The following SUPT3H variants were observed in gnomAD, a reference collection of about 807,000 sequenced individuals.
SUPT3H encodes transcription initiation protein SPT3 homolog.
SUPT3H carries 44 observed loss-of-function variants against 44.3 expected under a neutral mutation model. That is an observed-to-expected ratio of 0.99 (90% CI 0.78 to 1.28). The LOEUF (loss-of-function observed/expected upper bound fraction) is 1.28. SUPT3H is among the 50% of genes most tolerant of loss of function. SUPT3H has a pLI of 0.00. For synonymous variants in SUPT3H, 124 were observed against 125.6 expected, an observed-to-expected ratio of 0.99 and a Z score of 0.09; for missense variants, 380 against 387.1, an observed-to-expected ratio of 0.98 and a Z score of 0.15.
Position 45,255,418 on chromosome 6 carries a change from G to GTTTT in SUPT3H, c.101+109779_101+109782dup, listed in dbSNP as rs11394172. ...CATTCTTAACAACAACCTATAATAG[G>GTTTT]TTTTTTTTTTTTTTTTTTTCAGTCA... On this transcript the variant is annotated intron_variant, in intron 2 of 10. Coordinates refer to ENST00000371459, the MANE Select transcript of SUPT3H (RefSeq NM_003599.4). 1.7e-3 allele frequency among the ~76,000 whole-genome samples: 195 copies of GTTTT among 116,200 alleles called. 3 individuals carry two copies. Among genetic ancestry groups the GTTTT allele is most frequent in the African/African-American group, 6.1e-3 (181 of 29,836 alleles). 76.2% of individuals were successfully genotyped at this position (116,200 alleles called of 152,430 possible).
intron 2 of SUPT3H, among the ~76,000 whole-genome samples, chr6:45,305,864 A>G (rs1450575862): frequency 6.6e-6 from 1 of 152,182 alleles, no homozygotes; most frequent in African/African-American, 2.4e-5. Context: ...CTTAGTGAGC[A>G]ACTTCATATT....
intron 2 of SUPT3H, among the ~76,000 whole-genome samples, chr6:45,160,559 T>C (rs769882047): frequency 1.1e-4 from 17 of 151,940 alleles, no homozygotes; most frequent in Non-Finnish European, 8.8e-5. Flanking sequence ...ATTTTTTATA[T>C]ATAAGTGAAT....
intron 2 of SUPT3H, among the ~76,000 whole-genome samples, chr6:45,211,313 C>T (rs939673801): frequency 1.3e-5 from 2 of 152,048 alleles, no homozygotes; most frequent in African/African-American, 2.4e-5. Flanking sequence ...TACTCTCTCC[C>T]CTGCCCTTTC....
chr6:45,256,052 T>C (rs9369552), intron 2 of SUPT3H, among the ~76,000 whole-genome samples: 60,823 of 151,716 alleles, frequency 0.4, 12,584 homozygotes, highest in East Asian at 0.71. Flanking sequence ...GTGCCTGTAG[T>C]TCCAGCTACT....
intron 9 of SUPT3H, among the ~76,000 whole-genome samples, chr6:44,942,812 A>G (rs546930486): frequency 6.6e-6 from 1 of 152,324 alleles, no homozygotes; most frequent in African/African-American, 2.4e-5. Flanking sequence ...AAATGAAAAG[A>G]CATTCTAGTT....
chr6:45,364,549 G>C (rs1317481369), intron 2 of SUPT3H, among the ~76,000 whole-genome samples: 1 of 104,962 alleles, frequency 9.5e-6, no homozygotes. Context: ...AAACTACTAT[G>C]TGTCAACAGA....
intron 3 of SUPT3H, among the ~76,000 whole-genome samples, chr6:45,022,984 A>C (rs1785388274): frequency 6.6e-6 from 1 of 152,146 alleles, no homozygotes; most frequent in African/African-American, 2.4e-5. Flanking sequence ...TCAAGGGTCA[A>C]CTGTGTTATT....
chr6:44,831,517 G>A (rs1344121623), intron 10 of SUPT3H, among the ~76,000 whole-genome samples: 1 of 152,158 alleles, frequency 6.6e-6, no homozygotes, highest in African/African-American at 2.4e-5. Flanking sequence ...CTACCACCAC[G>A]GCTGCCTTAC....
chr6:45,315,196 T>C (rs149777515), intron 2 of SUPT3H, among the ~76,000 whole-genome samples: 166 of 152,182 alleles, frequency 1.1e-3, no homozygotes, highest in African/African-American at 3.6e-3. Context: ...GAAGTTAACA[T>C]TGGAAAAACC....
chr6:44,890,359 C>G (rs546292860), intron 10 of SUPT3H, among the ~76,000 whole-genome samples: 4 of 151,502 alleles, frequency 2.6e-5, no homozygotes, highest in Non-Finnish European at 4.4e-5. Context: ...GGAACCAACC[C>G]AAATGTCCAA....
chr6:45,367,664 C>A (rs964330993), intron 1 of SUPT3H, among the ~76,000 whole-genome samples: 26 of 152,150 alleles, frequency 1.7e-4, no homozygotes, highest in African/African-American at 6.0e-4. Flanking sequence ...GTAACCCCAG[C>A]CTCCAGAAAG....
intron 6 of SUPT3H, among the ~76,000 whole-genome samples, chr6:44,967,549 A>G (rs1010870318): frequency 2.0e-5 from 3 of 152,204 alleles, no homozygotes; most frequent in Admixed American, 2.0e-4. Flanking sequence ...GACAATCATC[A>G]TTTGCCCTGT....
At chr6:44,841,282 A>C (rs1038928613) in intron 10 of SUPT3H, among the ~76,000 whole-genome samples, 3 of 152,246 alleles carry the variant, frequency 2.0e-5, no homozygotes, top group Non-Finnish European at 4.4e-5. Flanking sequence ...TATCTCCTGT[A>C]ATGTCTGACA....
intron 9 of SUPT3H, among the ~76,000 whole-genome samples, chr6:44,952,011 T>C (rs776242817): frequency 5.9e-5 from 9 of 152,196 alleles, no homozygotes; most frequent in South Asian, 2.1e-4. Context: ...TTAGGGACTT[T>C]TGTATGTTGA....
chr6:45,284,457 T>C (rs939632425), intron 2 of SUPT3H, among the ~76,000 whole-genome samples: 12 of 152,158 alleles, frequency 7.9e-5, no homozygotes, highest in Admixed American at 2.6e-4. Flanking sequence ...CAGAGAATAC[T>C]ATAAACACCT....
intron 2 of SUPT3H, among the ~76,000 whole-genome samples, chr6:45,285,333 T>A (rs533377251): frequency 1.3e-5 from 2 of 152,132 alleles, no homozygotes; most frequent in African/African-American, 2.4e-5. Context: ...TGATTGTATA[T>A]CTAGAAAACC....
intron 10 of SUPT3H, among the ~76,000 whole-genome samples, chr6:44,912,506 T>A (rs1273941154): frequency 1.3e-5 from 2 of 152,188 alleles, no homozygotes; most frequent in Non-Finnish European, 2.9e-5. Flanking sequence ...TCAGGGCACA[T>A]TGTAAGAGAT....
intron 10 of SUPT3H, among the ~76,000 whole-genome samples, chr6:44,870,665 C>G (rs1224083123): frequency 6.7e-6 from 1 of 150,022 alleles, no homozygotes; most frequent in East Asian, 2.0e-4. Context: ...CGAATAGGAA[C>G]AGCTCCAGTC....
rs564622732 is a variant in SUPT3H at position 44,904,532 on chromosome 6, A to G, written c.912+28121T>C. Among the ~76,000 whole-genome samples the G allele has an allele frequency of 8.5e-5, 13 of 152,374 alleles. 1 individual carries two copies. In the South Asian group the frequency reaches 2.7e-3, roughly 32 times the overall value. On this transcript the variant is annotated intron_variant, in intron 10 of 10. Coordinates refer to ENST00000371459, the MANE Select transcript of SUPT3H (RefSeq NM_003599.4). ...AAGAAATAAAAGAGGACACAAACAA[A>G]TGGAAGAACACTCCATGCTCATGGA... is the stretch of plus-strand genomic sequence containing the variant.
Sources: allele counts gnomAD v4.1 joint callset (sites outside exome capture counted in the v4.1 genomes callset), GRCh38; gene constraint gnomAD v4.1.1; transcripts MANE v1.5; gene names NCBI Gene and HGNC (gene_info 2026-07-23, HGNC 2026-07-21).